KCNMB2: variants seen among roughly 807,000 people sequenced by gnomAD.
KCNMB2 encodes the protein calcium-activated potassium channel subunit beta-2.
KCNMB2 carries 9 observed loss-of-function variants against 24.5 expected under a neutral mutation model. That is an observed-to-expected ratio of 0.37 (90% CI 0.22 to 0.64). KCNMB2 has a LOEUF of 0.64. KCNMB2 is among the 30% of genes least tolerant of loss of function. The pLI is 0.63. For missense variants in KCNMB2, 226 were observed against 284.3 expected (o/e 0.79, Z 1.47); for synonymous variants, 109 against 104.4 (o/e 1.04, Z -0.27).
At chr3:178,663,299 T>A (rs1420254662) in intron 1 of KCNMB2, among the ~76,000 whole-genome samples, 1 of 152,112 alleles carries the variant, frequency 6.6e-6, no homozygotes. Flanking sequence ...ACAATAGGCA[T>A]GATTCTTTGA....
At chr3:178,681,313 T>C (rs1236841476) in intron 1 of KCNMB2, among the ~76,000 whole-genome samples, 1 of 152,224 alleles carries the variant, frequency 6.6e-6, no homozygotes, top group African/African-American at 2.4e-5. Context: ...CAGTGAGAAT[T>C]AGTTATGTGC....
intron 1 of KCNMB2, among the ~76,000 whole-genome samples, chr3:178,706,480 A>G (rs1025792061): frequency 1.3e-5 from 2 of 152,104 alleles, no homozygotes; most frequent in Non-Finnish European, 2.9e-5. Context: ...GCTATTTCCC[A>G]ATGGGTGCAG....
At chr3:178,699,909 C>T (rs9859326) in intron 1 of KCNMB2, among the ~76,000 whole-genome samples, 2,426 of 152,320 alleles carry the variant, frequency 0.016, 67 homozygotes, top group African/African-American at 0.055. Context: ...GTTCTAGAGG[C>T]CTGTGGCAAG....
At chr3:178,643,921 G>C (rs923998444) in intron 1 of KCNMB2, among the ~76,000 whole-genome samples, 12 of 152,178 alleles carry the variant, frequency 7.9e-5, no homozygotes, top group African/African-American at 2.4e-4. Flanking sequence ...GGAACTACCA[G>C]AAGGATATAG....
At chr3:178,782,238 C>T (rs1272967060) in intron 1 of KCNMB2, among the ~76,000 whole-genome samples, 1 of 118,248 alleles carries the variant, frequency 8.5e-6, no homozygotes, top group Non-Finnish European at 1.7e-5. Context: ...GTGAATAATG[C>T]CACAATAAAC....
chr3:178,627,541 CATA>C (rs1234486999), intron 1 of KCNMB2, among the ~76,000 whole-genome samples: 11 of 152,288 alleles, frequency 7.2e-5, no homozygotes, highest in South Asian at 2.1e-4. Flanking sequence ...ATTTCACTTT[CATA>C]ATAACATTCT....
intron 1 of KCNMB2, among the ~76,000 whole-genome samples, chr3:178,606,098 A>T (rs1040210454): frequency 1.3e-4 from 20 of 152,218 alleles, no homozygotes; most frequent in Non-Finnish European, 2.4e-4. Flanking sequence ...ATAGGAAGGA[A>T]TGAAGGGAGG....
At chr3:178,713,914 C>T (rs928412285) in intron 1 of KCNMB2, among the ~76,000 whole-genome samples, 1 of 152,210 alleles carries the variant, frequency 6.6e-6, no homozygotes, top group East Asian at 1.9e-4. Context: ...CATCATTAAC[C>T]CTGTGGGAAA....
intron 1 of KCNMB2, among the ~76,000 whole-genome samples, chr3:178,771,012 T>A (rs1712327946): frequency 6.6e-6 from 1 of 152,204 alleles, no homozygotes; most frequent in African/African-American, 2.4e-5. Context: ...TTGCACAAAA[T>A]CTAGTCAGTT....
chr3:178,571,567 C>G (rs1369049159), intron 1 of KCNMB2, among the ~76,000 whole-genome samples: 1 of 149,984 alleles, frequency 6.7e-6, no homozygotes, highest in Non-Finnish European at 1.5e-5. Context: ...GCAGAACATG[C>G]AGGTTTGCTA....
At chr3:178,822,238 T>C (rs1295965882) in intron 2 of KCNMB2, among the ~76,000 whole-genome samples, 2 of 152,240 alleles carry the variant, frequency 1.3e-5, no homozygotes. Flanking sequence ...AGTCTTTCTG[T>C]CTAAAATACC....
chr3:178,767,050 C>T (rs1712151193), intron 1 of KCNMB2, among the ~76,000 whole-genome samples: 1 of 152,148 alleles, frequency 6.6e-6, no homozygotes, highest in South Asian at 2.1e-4. Flanking sequence ...TACTGGCATC[C>T]AGTGAGTAGA....
At chr3:178,828,932 T>TGA (rs1319988911) in intron 4 of KCNMB2, among the ~76,000 whole-genome samples, 3 of 44,120 alleles carry the variant, frequency 6.8e-5, no homozygotes, top group Admixed American at 5.2e-4. Context: ...TCACTGTGTG[T>TGA]GTGTGTGTGT....
chr3:178,624,739 G>T (rs1320529936), intron 1 of KCNMB2, among the ~76,000 whole-genome samples: 2 of 151,358 alleles, frequency 1.3e-5, no homozygotes, highest in African/African-American at 4.9e-5. Flanking sequence ...TCAGGGAGGG[G>T]TGGGGGCTCG....
At chr3:178,756,888 C>G (rs562796581) in intron 1 of KCNMB2, among the ~76,000 whole-genome samples, 1 of 151,942 alleles carries the variant, frequency 6.6e-6, no homozygotes, top group African/African-American at 2.4e-5. Flanking sequence ...CACATCACAG[C>G]TTTCCTGAGC....
chr3:178,776,893 A>G (rs548524456), intron 1 of KCNMB2, among the ~76,000 whole-genome samples: 10 of 152,330 alleles, frequency 6.6e-5, no homozygotes, highest in Non-Finnish European at 1.0e-4. Context: ...TGAGCAAGTT[A>G]TGAAGCTATG....
chr3:178,761,678 T>C (rs1416759846), intron 1 of KCNMB2, among the ~76,000 whole-genome samples: 1 of 152,170 alleles, frequency 6.6e-6, no homozygotes, highest in Non-Finnish European at 1.5e-5. Context: ...TTTATGTTCA[T>C]GCACTACTCA....
intron 1 of KCNMB2, among the ~76,000 whole-genome samples, chr3:178,580,622 C>T (rs1717163012): frequency 6.6e-6 from 1 of 152,182 alleles, no homozygotes; most frequent in Admixed American, 6.5e-5. Context: ...AAAACGCCAT[C>T]ATCTCAGCCC....
intron 1 of KCNMB2, among the ~76,000 whole-genome samples, chr3:178,625,240 G>A (rs572270510): frequency 1.3e-5 from 2 of 152,240 alleles, no homozygotes; most frequent in East Asian, 1.9e-4. Context: ...GGCTTGAGGA[G>A]GGACACCCAA....
Sources: gnomAD v4.1 joint callset for allele counts (sites outside exome capture counted in the v4.1 genomes callset) on GRCh38, gnomAD v4.1.1 for gene constraint, MANE v1.5 for transcripts, NCBI Gene and HGNC (gene_info 2026-07-23, HGNC 2026-07-21) for gene names.